AP3B1: variants seen among roughly 807,000 people sequenced by gnomAD.
AP3B1 encodes AP-3 complex subunit beta-1.
A neutral mutation model predicts 132.5 loss-of-function variants in AP3B1; 61 were observed. The observed-to-expected ratio is 0.46, with a 90% CI of 0.37 to 0.57. The LOEUF is 0.57. Among genes scored for constraint, AP3B1 ranks in the 20% least tolerant of loss-of-function variants. The pLI is 0.00. For missense variants in AP3B1, 1,120 were observed against 1,289.4 expected (o/e 0.87, Z 2.01); for synonymous variants, 388 against 438.3 (o/e 0.89, Z 1.43).
chr5:78,275,115 G>A (rs1334259117), intron 1 of AP3B1, among the ~76,000 whole-genome samples: 1 of 152,104 alleles, frequency 6.6e-6, no homozygotes, highest in East Asian at 1.9e-4. Flanking sequence ...AAAACTTTAT[G>A]TACATAAACA....
intron 17 of AP3B1, among the ~76,000 whole-genome samples, chr5:78,116,928 C>G (rs1751864786): frequency 6.6e-6 from 1 of 152,098 alleles, no homozygotes; most frequent in Non-Finnish European, 1.5e-5. Flanking sequence ...TGCAGTGGCT[C>G]CCCATTTTAC....
intron 1 of AP3B1, among the ~76,000 whole-genome samples, chr5:78,279,370 C>T (rs547043027): frequency 2.0e-5 from 3 of 152,166 alleles, no homozygotes; most frequent in African/African-American, 7.2e-5. Context: ...CTCTATGAAG[C>T]GTGTGTAGCT....
chr5:78,071,077 C>T (rs897482251), intron 22 of AP3B1, among the ~76,000 whole-genome samples: 1 of 152,106 alleles, frequency 6.6e-6, no homozygotes, highest in Non-Finnish European at 1.5e-5. Flanking sequence ...CAAAGGAATA[C>T]AAATAATTCT....
intron 26 of AP3B1, among the ~76,000 whole-genome samples, chr5:78,014,617 A>G (rs1220780253): frequency 6.6e-6 from 1 of 152,118 alleles, no homozygotes; most frequent in African/African-American, 2.4e-5. Flanking sequence ...GTTTTCTATG[A>G]TTGATAATTA....
chr5:78,181,955 CAT>C (rs1268885688), intron 7 of AP3B1, among the ~76,000 whole-genome samples: 4 of 152,136 alleles, frequency 2.6e-5, no homozygotes, highest in East Asian at 1.9e-4. Context: ...AAAAGGAACA[CAT>C]GACCGTTAGA....
intron 7 of AP3B1, among the ~76,000 whole-genome samples, chr5:78,190,072 A>G (rs1744767396): frequency 6.6e-6 from 1 of 151,928 alleles, no homozygotes; most frequent in Non-Finnish European, 1.5e-5. Flanking sequence ...ATTAACATAT[A>G]ATATTACAGA....
intron 2 of AP3B1, among the ~76,000 whole-genome samples, chr5:78,261,165 A>G (rs1469687488): frequency 6.6e-6 from 1 of 152,308 alleles, no homozygotes; most frequent in East Asian, 1.9e-4. Flanking sequence ...TTCCATTTTT[A>G]GTTTTTTAAG....
chr5:78,096,126 T>C (rs1019334748), intron 21 of AP3B1, among the ~76,000 whole-genome samples: 64 of 152,278 alleles, frequency 4.2e-4, no homozygotes, highest in African/African-American at 1.4e-3. Context: ...TTCTCCTGCC[T>C]CAGCCTGCCG....
rs764741964 is a variant in AP3B1, at chr5:78,156,273, G to T, written c.1458C>A (p.Leu486=). ...TGATACTCACAGTGATACTGTCCAG[G>T]AGTTTGGCCATATGTTTAATAATTT... The part of the protein sequence containing the change: ...HGEIIKHMAK[L]LDSITVPVAR... The change falls in exon 14 of 27, where the codon CTC becomes CTA. Residue 486 remains leucine, a synonymous_variant. Transcript: ENST00000255194. The T allele has an allele frequency of 6.2e-7, 1 of 1,611,226 alleles. No homozygotes were observed. Among genetic ancestry groups the T allele is most frequent in the Non-Finnish European group, 8.5e-7 (1 of 1,177,608 alleles).
chr5:78,150,650 T>A (rs1461595707), intron 14 of AP3B1, among the ~76,000 whole-genome samples: 1 of 152,178 alleles, frequency 6.6e-6, no homozygotes, highest in African/African-American at 2.4e-5. Flanking sequence ...ATAATAATAC[T>A]ATATTGTAGG....
intron 20 of AP3B1, among the ~76,000 whole-genome samples, chr5:78,101,576 C>CTT (rs3836857): frequency 6.6e-6 from 1 of 151,982 alleles, no homozygotes; most frequent in Non-Finnish European, 1.5e-5. Context: ...CAGGCTCTTT[C>CTT]TTTTTAGAGT....
intron 7 of AP3B1, among the ~76,000 whole-genome samples, chr5:78,195,728 G>A (rs1745055249): frequency 6.6e-6 from 1 of 152,122 alleles, no homozygotes. Flanking sequence ...GCTGAGGCAG[G>A]AGAATTGCTT....
At chr5:78,089,105 T>C (rs1333143042) in intron 22 of AP3B1, 1 of 339,546 alleles carries the variant, frequency 2.9e-6, no homozygotes, top group African/African-American at 2.1e-5. Flanking sequence ...TTCAGGTATA[T>C]GTACTGCGTC....
At chr5:78,059,195 A>G (rs1489952629) in intron 22 of AP3B1, among the ~76,000 whole-genome samples, 12 of 152,186 alleles carry the variant, frequency 7.9e-5, no homozygotes, top group Admixed American at 7.2e-4. Context: ...AAACAACTCA[A>G]TTGGCCATTG....
In AP3B1 at chr5:78,193,770, A is replaced by ATTTTTT. The variant is rs35190275; in HGVS notation, c.787-12114_787-12109dup. On this transcript the variant is annotated intron_variant, in intron 7 of 26. Transcript: ENST00000255194. ...TATATATATATATATATATATATAT[A>ATTTTTT]TTTTTTTTTTAGACAGAGTCTCGCT... Among the ~76,000 whole-genome samples the ATTTTTT allele has an allele frequency of 9.9e-3, 665 of 67,180 alleles. 19 individuals carry two copies. Among genetic ancestry groups the ATTTTTT allele is most frequent in the African/African-American group, 0.033 (628 of 19,192 alleles). 44.1% of individuals were successfully genotyped at this position (67,180 alleles called of 152,430 possible). A position where few individuals can be genotyped will look rare whatever the true frequency, so the allele number is the denominator to read the frequency against.
chr5:78,046,007 T>C (rs1195826582), intron 22 of AP3B1, among the ~76,000 whole-genome samples: 1 of 152,224 alleles, frequency 6.6e-6, no homozygotes, highest in Non-Finnish European at 1.5e-5. Context: ...AGGTGAGTAG[T>C]TGTAATACCT....
chr5:78,115,737 G>C (rs2112264389), intron 18 of AP3B1, among the ~76,000 whole-genome samples: 1 of 152,190 alleles, frequency 6.6e-6, no homozygotes, highest in Non-Finnish European at 1.5e-5. Context: ...AAGAGAAAAA[G>C]ACTCTTCAAG....
At chr5:78,085,063 T>G (rs1750181956) in intron 22 of AP3B1, among the ~76,000 whole-genome samples, 1 of 152,218 alleles carries the variant, frequency 6.6e-6, no homozygotes, top group African/African-American at 2.4e-5. Context: ...ATTCTAATTA[T>G]TTCCTTAGAA....
intron 3 of AP3B1, among the ~76,000 whole-genome samples, chr5:78,233,230 C>CTT (rs1175093282): frequency 7.6e-6 from 1 of 132,348 alleles, no homozygotes; most frequent in African/African-American, 2.8e-5. Context: ...CTTTGTTTTT[C>CTT]TTTTTTCTTT....
Sources: gnomAD v4.1 joint callset for allele counts (sites outside exome capture counted in the v4.1 genomes callset) on GRCh38, gnomAD v4.1.1 for gene constraint, MANE v1.5 for transcripts, NCBI Gene and HGNC (gene_info 2026-07-23, HGNC 2026-07-21) for gene names.